Variants in CDIN1 observed in about 807,000 individuals in gnomAD.
CDIN1 encodes CDAN1 interacting nuclease 1.
Under a neutral mutation model 45.3 loss-of-function variants are expected in CDIN1, and 33 were observed. The observed-to-expected ratio is 0.73, with a 90% CI of 0.55 to 0.97. The LOEUF (loss-of-function observed/expected upper bound fraction) is 0.97. Ranked by LOEUF, CDIN1 falls within the 50% of genes least tolerant of loss-of-function variation. CDIN1 has a pLI of 0.00. For synonymous variants in CDIN1, 118 were observed against 124.4 expected (o/e 0.95, Z 0.34); for missense variants, 303 against 339.4 (o/e 0.89, Z 0.84).
Position 36,579,816 on chromosome 15 carries a change from G to A in CDIN1, c.-45G>A. The A allele has an allele frequency of 6.6e-7, 1 of 1,508,558 alleles. No individual in the cohort carries two copies. Among genetic ancestry groups the A allele is most frequent in the East Asian group, 2.3e-5 (1 of 42,730 alleles). 93.4% of individuals were successfully genotyped at this position (1,508,558 alleles called of 1,614,324 possible). Reference sequence around the variant, plus strand: ...GGCACCAAGGCTACTTGAGCCCCAGGGTGTTTTTTCCTTGTTCCCGCCACC... The same window carrying A: ...GGCACCAAGGCTACTTGAGCCCCAGAGTGTTTTTTCCTTGTTCCCGCCACC... On this transcript the variant is annotated 5_prime_UTR_variant, in exon 1 of 11. Transcript: ENST00000566621.
Position 36,595,067 on chromosome 15 carries a change from AC to A in CDIN1, c.101+15107del, listed in dbSNP as rs1201428091. The A allele has an allele frequency of 9.8e-6, 3 of 304,796 alleles. No homozygotes were observed. The Admixed American group carries it at 1.9e-4, about 20-fold the overall frequency. The allele number at this position is 304,796 out of a possible 1,614,324, so 18.9% of individuals were successfully genotyped here. A position where few individuals can be genotyped will look rare whatever the true frequency, so the allele number is the denominator to read the frequency against. On this transcript the variant is annotated intron_variant, in intron 1 of 10. Coordinates refer to ENST00000566621, the MANE Select transcript of CDIN1 (RefSeq NM_001321759.2). Reference sequence around the variant, plus strand: ...GACAACTGACATATGTAACCTTGGAACTGAAAATAAATGTTCTTTTAAGAAG... The same window carrying A: ...GACAACTGACATATGTAACCTTGGAATGAAAATAAATGTTCTTTTAAGAAG...
At chr15:36,685,181 A>G (rs1285534580) in intron 5 of CDIN1, among the ~76,000 whole-genome samples, 15 of 148,772 alleles carry the variant, frequency 1.0e-4, no homozygotes, top group Non-Finnish European at 1.8e-4. Context: ...TAGGGTGTCA[A>G]TTTTGGATCT....
intron 5 of CDIN1, among the ~76,000 whole-genome samples, chr15:36,663,241 T>G (rs978097982): frequency 6.6e-6 from 1 of 152,204 alleles, no homozygotes; most frequent in Non-Finnish European, 1.5e-5. Context: ...TGGAAGATAC[T>G]GAAATCCAGA....
chr15:36,603,840 C>A (rs369055212), intron 1 of CDIN1, among the ~76,000 whole-genome samples: 155 of 152,184 alleles, frequency 1.0e-3, no homozygotes, highest in African/African-American at 3.5e-3. Flanking sequence ...GGTAGGGAGG[C>A]AACATTAAAC....
intron 10 of CDIN1, among the ~76,000 whole-genome samples, chr15:36,784,001 A>C (rs1042046685): frequency 6.6e-6 from 1 of 152,222 alleles, no homozygotes; most frequent in Non-Finnish European, 1.5e-5. Context: ...GACAGGGTTC[A>C]TACACTAAGA....
At chr15:36,619,909 G>A (rs1712366694) in intron 1 of CDIN1, among the ~76,000 whole-genome samples, 1 of 151,868 alleles carries the variant, frequency 6.6e-6, no homozygotes, top group Admixed American at 6.6e-5. Flanking sequence ...TAAAACTTGA[G>A]TAGATTTTTT....
intron 10 of CDIN1, among the ~76,000 whole-genome samples, chr15:36,797,253 A>G (rs970481478): frequency 6.6e-6 from 1 of 151,912 alleles, no homozygotes; most frequent in Non-Finnish European, 1.5e-5. Context: ...GTATTTGGAA[A>G]GGGAGGAAGA....
intron 10 of CDIN1, among the ~76,000 whole-genome samples, chr15:36,726,733 T>C: frequency 6.6e-6 from 1 of 152,212 alleles, no homozygotes; most frequent in East Asian, 1.9e-4. Context: ...TTCTCACTAA[T>C]TGCTTGAGTA....
rs114094808 is a variant in CDIN1, at chr15:36,758,391, A to G, written c.716+48430A>G. Among the ~76,000 whole-genome samples, 280 of 152,270 alleles carry G rather than the reference A, an allele frequency of 1.8e-3. 1 individual carries two copies. Among genetic ancestry groups the G allele is most frequent in the African/African-American group, 6.3e-3 (261 of 41,556 alleles). On this transcript the variant is annotated intron_variant, in intron 10 of 10. Coordinates refer to ENST00000566621, the MANE Select transcript of CDIN1 (RefSeq NM_001321759.2). ...CATTGGGGACAATCTTTTCATTGTAAAAAAGCAAGTTTCTAAACTGGACGA... is the reference window on the plus strand; with the variant it reads ...CATTGGGGACAATCTTTTCATTGTAGAAAAGCAAGTTTCTAAACTGGACGA...
At chr15:36,687,278 G>A (rs556780010) in intron 5 of CDIN1, among the ~76,000 whole-genome samples, 1 of 152,194 alleles carries the variant, frequency 6.6e-6, no homozygotes, top group South Asian at 2.1e-4. Context: ...TGTCAAATTT[G>A]ATTTTAGAAA....
chr15:36,715,592 C>T (rs940991744), intron 10 of CDIN1, among the ~76,000 whole-genome samples: 1 of 152,182 alleles, frequency 6.6e-6, no homozygotes, highest in Admixed American at 6.5e-5. Context: ...TCTTGCAAAC[C>T]TTTAATTACA....
chr15:36,604,082 T>C (rs2038236034), intron 1 of CDIN1, among the ~76,000 whole-genome samples: 3 of 152,156 alleles, frequency 2.0e-5, no homozygotes, highest in Non-Finnish European at 2.9e-5. Context: ...CTTTGGAATA[T>C]GTGGGGCTGA....
intron 1 of CDIN1, chr15:36,617,185 A>T: frequency 3.4e-6 from 3 of 876,298 alleles, no homozygotes; most frequent in Non-Finnish European, 5.9e-6. Flanking sequence ...TACTGATGCC[A>T]CCCCAGTAAC....
intron 10 of CDIN1, among the ~76,000 whole-genome samples, chr15:36,800,727 CTTT>C (rs1287139437): frequency 6.6e-6 from 1 of 151,048 alleles, no homozygotes; most frequent in Non-Finnish European, 1.5e-5. Context: ...ACATGCAAGT[CTTT>C]TTTTGATGGT....
At chr15:36,722,355 C>T (rs80038555) in intron 10 of CDIN1, among the ~76,000 whole-genome samples, 16,204 of 147,520 alleles carry the variant, frequency 0.11, 1,168 homozygotes, top group East Asian at 0.28. Context: ...TCCATATATT[C>T]TACCTCTCTT....
chr15:36,643,583 T>C (rs531294515), intron 1 of CDIN1, among the ~76,000 whole-genome samples: 1 of 152,350 alleles, frequency 6.6e-6, no homozygotes, highest in Admixed American at 6.5e-5. Context: ...CTTCTAAATG[T>C]TAACAATTGC....
chr15:36,636,829 TGAG>T (rs1363402721), intron 1 of CDIN1, among the ~76,000 whole-genome samples: 3 of 152,182 alleles, frequency 2.0e-5, no homozygotes, highest in Admixed American at 6.5e-5. Context: ...TTTGATACAT[TGAG>T]GAGGCAGCAT....
In CDIN1 at chr15:36,690,498, G is replaced by T. The variant is rs187579091; in HGVS notation, c.347-1187G>T. On this transcript the variant is annotated intron_variant, in intron 5 of 10. Transcript: ENST00000566621. ...TTAGCCAGGATGGTCTTGATCTCCT[G>T]ACCTCAAGATCCACCCGCCTCGGCC... Among the ~76,000 whole-genome samples, 80 of 152,058 alleles carry T rather than the reference G, an allele frequency of 5.3e-4. 1 individual carries two copies. In the East Asian group the frequency reaches 0.015, roughly 29 times the overall value.
intron 1 of CDIN1, among the ~76,000 whole-genome samples, chr15:36,638,484 TTA>T (rs2039987487): frequency 6.6e-6 from 1 of 152,198 alleles, no homozygotes; most frequent in Non-Finnish European, 1.5e-5. Context: ...TGCTTTATAT[TTA>T]ATATGAAGTG....
Sources: gnomAD v4.1 joint callset for allele counts (sites outside exome capture counted in the v4.1 genomes callset) on GRCh38, gnomAD v4.1.1 for gene constraint, MANE v1.5 for transcripts, NCBI Gene and HGNC (gene_info 2026-07-23, HGNC 2026-07-21) for gene names.